RALYL: variants seen among roughly 807,000 people sequenced by gnomAD.
The protein encoded by RALYL is RALY RNA binding protein like, also known as RNA-binding Raly-like protein.
RALYL carries 29 observed loss-of-function variants against 35.1 expected under a neutral mutation model. That is an observed-to-expected ratio of 0.83 (90% CI 0.61 to 1.13). The LOEUF is 1.13. Ranked by LOEUF, RALYL falls within the 50% of genes most tolerant of loss-of-function variation. The probability of loss-of-function intolerance (pLI) is 0.00; values close to 1 mark genes in which losing one functional copy is unlikely to be tolerated. For missense variants in RALYL, 359 were observed against 360.4 expected (o/e 1.00, Z 0.03); for synonymous variants, 120 against 127.6 (o/e 0.94, Z 0.40).
chr8:84,496,505 A>G (rs2056038652), intron 1 of RALYL, among the ~76,000 whole-genome samples: 1 of 152,126 alleles, frequency 6.6e-6, no homozygotes, highest in Non-Finnish European at 1.5e-5. Context: ...CAACCATGGC[A>G]TTATTGGCAT....
intron 1 of RALYL, among the ~76,000 whole-genome samples, chr8:84,224,227 A>G (rs890983376): frequency 3.9e-5 from 6 of 152,184 alleles, no homozygotes; most frequent in Non-Finnish European, 8.8e-5. Context: ...AGCTCTAAGT[A>G]TCCTGAGTCT....
chr8:84,533,196 T>C (rs1425175037), intron 2 of RALYL, among the ~76,000 whole-genome samples: 2 of 152,156 alleles, frequency 1.3e-5, no homozygotes, highest in Non-Finnish European at 2.9e-5. Context: ...ACATATCCTC[T>C]TAATATTTAA....
intron 2 of RALYL, among the ~76,000 whole-genome samples, chr8:84,767,192 T>A (rs976511887): frequency 2.0e-5 from 3 of 152,204 alleles, no homozygotes; most frequent in Non-Finnish European, 4.4e-5. Context: ...CACTTTGGAA[T>A]AGCACCCGTC....
intron 4 of RALYL, among the ~76,000 whole-genome samples, chr8:84,813,227 C>T (rs548115898): frequency 6.6e-6 from 1 of 152,278 alleles, no homozygotes; most frequent in African/African-American, 2.4e-5. Flanking sequence ...GGAGGATCTC[C>T]CTTTCCCACT....
At chr8:84,362,600 G>C (rs1259869630) in intron 1 of RALYL, among the ~76,000 whole-genome samples, 1 of 152,110 alleles carries the variant, frequency 6.6e-6, no homozygotes, top group Non-Finnish European at 1.5e-5. Context: ...GATCCAGGTT[G>C]CACACTCCTT....
chr8:84,572,776 T>C (rs1181369614), intron 2 of RALYL, among the ~76,000 whole-genome samples: 2 of 151,814 alleles, frequency 1.3e-5, no homozygotes, highest in African/African-American at 4.8e-5. Context: ...TCTTAAGATA[T>C]CTGCATTTTG....
intron 1 of RALYL, among the ~76,000 whole-genome samples, chr8:84,228,398 G>A (rs1563569819): frequency 1.4e-5 from 2 of 138,752 alleles, no homozygotes; most frequent in Non-Finnish European, 1.6e-5. Context: ...TTGACCATAG[G>A]TATCTGAGGT....
intron 4 of RALYL, among the ~76,000 whole-genome samples, chr8:84,831,758 T>G (rs1241223584): frequency 1.3e-5 from 2 of 152,028 alleles, no homozygotes; most frequent in Non-Finnish European, 2.9e-5. Context: ...GGGATAAAAA[T>G]TGACAGTAAT....
intron 3 of RALYL, among the ~76,000 whole-genome samples, chr8:84,794,960 G>T (rs1235657645): frequency 1.3e-5 from 2 of 152,206 alleles, no homozygotes; most frequent in East Asian, 1.9e-4. Context: ...GAGATTCTTG[G>T]TTGATACCAC....
intron 2 of RALYL, among the ~76,000 whole-genome samples, chr8:84,576,267 A>T (rs1809403351): frequency 6.6e-6 from 1 of 152,232 alleles, no homozygotes; most frequent in Non-Finnish European, 1.5e-5. Context: ...ATGAATATAA[A>T]CAAAAAAAGC....
Position 84,721,416 on chromosome 8 carries a change from G to C in RALYL, c.257-53163G>C, listed in dbSNP as rs78477026. ...TCATCAACAGATGAATAAACAAAAT[G>C]TGCAGCATATGCACAATGTAATAGT... On this transcript the variant is annotated intron_variant, in intron 2 of 8. Coordinates refer to ENST00000521268, the MANE Select transcript of RALYL (RefSeq NM_173848.7). 9.7e-3 allele frequency among the ~76,000 whole-genome samples: 1,474 copies of C among 152,140 alleles called. 134 individuals carry two copies. The East Asian group carries it at 0.21, about 22-fold the overall frequency.
At chr8:84,861,662 C>A (rs1256763359) in intron 5 of RALYL, among the ~76,000 whole-genome samples, 2 of 152,138 alleles carry the variant, frequency 1.3e-5, no homozygotes, top group Non-Finnish European at 2.9e-5. Flanking sequence ...ACAGTTTTAT[C>A]CTCACGCTAG....
chr8:84,754,562 G>A (rs757794290), intron 2 of RALYL, among the ~76,000 whole-genome samples: 1 of 152,154 alleles, frequency 6.6e-6, no homozygotes. Flanking sequence ...CTTTCATGTT[G>A]AAATCCTCAT....
chr8:84,750,796 C>A (rs76502976), intron 2 of RALYL, among the ~76,000 whole-genome samples: 3,399 of 152,152 alleles, frequency 0.022, 100 homozygotes, highest in African/African-American at 0.07. Flanking sequence ...TGCATAGGGT[C>A]CCCACTAGCA....
In RALYL at chr8:84,369,007, C is replaced by A. The variant is rs889818823; in HGVS notation, c.-23-160292C>A. On this transcript the variant is annotated intron_variant, in intron 1 of 8. Coordinates refer to ENST00000521268, the MANE Select transcript of RALYL (RefSeq NM_173848.7). ...ATGAATTAGGAAACAAAGCTTTTAA[C>A]TTTAAAAAGGTTTTAGGCTTGAGCT... 3.9e-5 allele frequency among the ~76,000 whole-genome samples: 6 copies of A among 152,264 alleles called. No homozygotes were observed. In the East Asian group the frequency reaches 9.7e-4, roughly 25 times the overall value.
chr8:84,217,912 A>T (rs545188409), intron 1 of RALYL, among the ~76,000 whole-genome samples: 20 of 152,262 alleles, frequency 1.3e-4, no homozygotes, highest in Admixed American at 3.9e-4. Context: ...AAAAACATAC[A>T]TGTGAAATGG....
At chr8:84,674,711 C>A (rs1833869538) in intron 2 of RALYL, among the ~76,000 whole-genome samples, 1 of 152,084 alleles carries the variant, frequency 6.6e-6, no homozygotes, top group Non-Finnish European at 1.5e-5. Flanking sequence ...TTATTCTTAG[C>A]ATATTTTTAG....
intron 2 of RALYL, among the ~76,000 whole-genome samples, chr8:84,695,884 G>T (rs965499775): frequency 8.6e-5 from 13 of 151,600 alleles, no homozygotes; most frequent in Non-Finnish European, 1.8e-4. Flanking sequence ...CTTAATTATT[G>T]TTACCCATGA....
intron 1 of RALYL, among the ~76,000 whole-genome samples, chr8:84,448,875 C>T (rs1056406376): frequency 3.3e-5 from 5 of 152,008 alleles, no homozygotes; most frequent in African/African-American, 1.2e-4. Flanking sequence ...AGGTTCTTCT[C>T]CTTTCTTTTT....
Sources: gnomAD v4.1 joint callset for allele counts (sites outside exome capture counted in the v4.1 genomes callset) on GRCh38, gnomAD v4.1.1 for gene constraint, MANE v1.5 for transcripts, NCBI Gene and HGNC (gene_info 2026-07-23, HGNC 2026-07-21) for gene names.